DHX29: variants seen among roughly 807,000 people sequenced by gnomAD.
The protein encoded by DHX29 is DExH-box helicase 29, also known as ATP-dependent RNA helicase DHX29.
DHX29 carries 79 observed loss-of-function variants against 167.9 expected under a neutral mutation model. That is an observed-to-expected ratio of 0.47 (90% CI 0.39 to 0.57). The LOEUF (loss-of-function observed/expected upper bound fraction) is 0.57. DHX29 is among the 20% of genes least tolerant of loss of function. The pLI is 0.00. For missense variants in DHX29, 1,347 were observed against 1,593.4 expected, an observed-to-expected ratio of 0.85 and a Z score of 2.63; for synonymous variants, 530 against 546.0, an observed-to-expected ratio of 0.97 and a Z score of 0.41.
chr5:55,298,481 T>C, intron 2 of DHX29, 110 bp downstream of exon 2: 1 of 647,154 alleles, frequency 1.5e-6, no homozygotes, highest in Non-Finnish European at 2.8e-6. Context: ...GAGTACTATT[T>C]ACAAAAATTT....
rs752505834 is a variant in DHX29 at position 55,285,684 on chromosome 5, C to G, written c.1232+12G>C. The G allele has an allele frequency of 6.5e-7, 1 of 1,546,416 alleles. No homozygotes were observed. Among genetic ancestry groups the G allele is most frequent in the Admixed American group, 2.1e-5 (1 of 48,608 alleles). ...TTCAGTTAATTAAAAACAACAACAA[C>G]AAAAAACATACCTACATTTCCAGTA... On this transcript the variant is annotated intron_variant, in intron 9 of 26. Transcript: ENST00000251636.
chr5:55,297,428 A>G (rs1748381562), intron 2 of DHX29, 30 bp from the exon 3 acceptor site: 1 of 897,426 alleles, frequency 1.1e-6, no homozygotes, highest in South Asian at 1.5e-5. Flanking sequence ...CATATCATTT[A>G]GAAGCTAAAT....
intron 5 of DHX29, 144 bp downstream of exon 5, chr5:55,295,235 G>A (rs2111955908): frequency 1.5e-6 from 1 of 650,436 alleles, no homozygotes; most frequent in South Asian, 2.2e-5. Flanking sequence ...ACTAAAACAA[G>A]CAATGATAGA....
intron 6 of DHX29, among the ~76,000 whole-genome samples, chr5:55,292,646 C>T (rs140642222): frequency 7.9e-5 from 12 of 152,288 alleles, no homozygotes; most frequent in Non-Finnish European, 1.3e-4. Flanking sequence ...CTTCCAGTCT[C>T]AGGTGAACTC....
At position 55,283,472 on chromosome 5, in the gene DHX29, G is replaced by C; in HGVS notation, c.1696C>G (p.Leu566Val). 3 of 1,614,130 alleles carry C rather than the reference G, an allele frequency of 1.9e-6. No individual in the cohort carries two copies. The highest frequency in any genetic ancestry group is 2.5e-6 in the Non-Finnish European group (3 of 1,180,026). The change falls in exon 11 of 27, where the codon CTA becomes GTA. Residue 566 changes from leucine (L) to valine (V), a missense_variant. Physicochemically the swap from Leu to Val is conservative, Grantham distance 32. Around this residue, in one of 3 missense-constraint regions of DHX29, gnomAD observed 882 missense variants for 1,082.4 expected, o/e 0.81. Transcript: ENST00000251636. Reference sequence around the variant, plus strand: ...ACAGGTAGCTGTTGTCTTTCCTTTAGAAGTTTCTGATACTTAGGTGTGCTT... The same window carrying C: ...ACAGGTAGCTGTTGTCTTTCCTTTACAAGTTTCTGATACTTAGGTGTGCTT... Reference protein sequence around the residue: ...LQSTPKYQKLLKERQQLPVFK... With the variant: ...LQSTPKYQKLVKERQQLPVFK...
Position 55,277,286 on chromosome 5 carries a change from G to C in DHX29, c.2110-4C>G. On this transcript the variant is annotated splice_region_variant and splice_polypyrimidine_tract_variant and intron_variant, in intron 12 of 26. Coordinates refer to ENST00000251636, the MANE Select transcript of DHX29 (RefSeq NM_019030.4). ...ACTGGACACTTCTTTCATGAACCTA[G>C]TTTTAAAAAGGGAATAAAAAAGTTC... 1 of 1,576,724 alleles carries C rather than the reference G, an allele frequency of 6.3e-7. No homozygotes were observed. The highest frequency in any genetic ancestry group is 8.6e-7 in the Non-Finnish European group (1 of 1,159,428).
chr5:55,261,548 G>A, intron 24 of DHX29, 49 bp from the exon 25 acceptor site: 1 of 1,185,940 alleles, frequency 8.4e-7, no homozygotes, highest in Non-Finnish European at 1.2e-6. Flanking sequence ...AAAAATAGAA[G>A]GAGGTCATTT....
At position 55,283,608 on chromosome 5, in the gene DHX29, G is replaced by C; in HGVS notation, c.1560C>G (p.Pro520=). 6.2e-7 allele frequency: 1 copy of C among 1,613,986 alleles called. No individual in the cohort carries two copies. Among genetic ancestry groups the C allele is most frequent in the Middle Eastern group, 1.6e-4 (1 of 6,062 alleles). The change falls in exon 11 of 27, where the codon CCC becomes CCG. Residue 520 remains proline (P), a synonymous_variant. Coordinates refer to ENST00000251636, the MANE Select transcript of DHX29 (RefSeq NM_019030.4). ...SENKRENSED[P]EESWENLVSD... The stretch of plus-strand genomic sequence containing the variant: ...AAACTAAATTTTCCCAAGATTCCTC[G>C]GGATCTTCAGAGTTTTCTCTCTTAT...
intron 21 of DHX29, among the ~76,000 whole-genome samples, chr5:55,268,570 G>A (rs1051683133): frequency 1.3e-5 from 2 of 151,964 alleles, no homozygotes; most frequent in African/African-American, 2.4e-5. Context: ...GTCTACAGGG[G>A]TGCACCACCA....
chr5:55,285,333 A>C lies in DHX29; in HGVS notation c.1316T>G (p.Leu439Arg), dbSNP rs765784268. ...LTEDGMQAQH[L>R]GATLALYRLV... ...ACGGTAAAGGGCTAAAGTAGCTCCC[A>C]GGTGCTGAGCTTGCATGCCATCTTC... is the stretch of plus-strand genomic sequence containing the variant. The change falls in exon 10 of 27, where the codon CTG (leucine) becomes CGG (arginine). Residue 439 changes from leucine to arginine, a missense_variant. Around this residue, in one of 3 missense-constraint regions of DHX29, gnomAD observed 60 missense variants for 94.2 expected, o/e 0.64. Coordinates refer to ENST00000251636, the MANE Select transcript of DHX29 (RefSeq NM_019030.4). 1 of 1,613,898 alleles carries C rather than the reference A, an allele frequency of 6.2e-7. No homozygotes were observed. Among genetic ancestry groups the C allele is most frequent in the Non-Finnish European group, 8.5e-7 (1 of 1,180,014 alleles).
rs756543101 is a variant in DHX29, at chr5:55,262,805, G to A, written c.3653C>T (p.Ala1218Val). ...LSFQEIALLK[A>V]VLVAGLYDNV... Reference sequence around the variant, plus strand: ...GTCATACAGTCCAGCCACCAGTACAGCTTTAAGAAGGGCAATTTCTTGGAA... The same window carrying A: ...GTCATACAGTCCAGCCACCAGTACAACTTTAAGAAGGGCAATTTCTTGGAA... Residue 1218 changes from alanine to valine, a missense_variant, in exon 24 of 27, where the codon GCT becomes GTT. By Grantham distance (64) the Ala-to-Val change is moderately conservative (BLOSUM62 0). Around this residue, in one of 3 missense-constraint regions of DHX29, gnomAD observed 882 missense variants for 1,082.4 expected, o/e 0.81. Coordinates refer to ENST00000251636, the MANE Select transcript of DHX29 (RefSeq NM_019030.4). 17 of 1,613,932 alleles carry A rather than the reference G, an allele frequency of 1.1e-5. No homozygotes were observed. The highest frequency in any genetic ancestry group is 1.3e-5 in the African/African-American group (1 of 74,872).
At chr5:55,271,474 T>A (rs967893614) in intron 18 of DHX29, among the ~76,000 whole-genome samples, 4 of 152,118 alleles carry the variant, frequency 2.6e-5, no homozygotes, top group Admixed American at 6.6e-5. Context: ...CTACTAAAAA[T>A]ACAAAAACAT....
At chr5:55,285,145 G>A in intron 10 of DHX29, 148 bp downstream of exon 10, 3 of 1,205,406 alleles carry the variant, frequency 2.5e-6, no homozygotes, top group Non-Finnish European at 3.4e-6. Flanking sequence ...AGGAACGAAA[G>A]ATCAAACTAT....
At chr5:55,295,036 G>A (rs1313985730) in intron 5 of DHX29, 1 of 183,488 alleles carries the variant, frequency 5.4e-6, no homozygotes, top group East Asian at 1.4e-4. Context: ...GAAAAAACAT[G>A]TAAACAGAGG....
intron 10 of DHX29, 21 bp from the exon 11 acceptor site, chr5:55,283,832 T>G (rs766854613): frequency 6.5e-7 from 1 of 1,542,422 alleles, no homozygotes; most frequent in Admixed American, 2.1e-5. Context: ...AACAGAGGTA[T>G]GTTATTTTCA....
At chr5:55,279,215 G>C (rs1747272698) in intron 12 of DHX29, among the ~76,000 whole-genome samples, 1 of 152,208 alleles carries the variant, frequency 6.6e-6, no homozygotes, top group Non-Finnish European at 1.5e-5. Flanking sequence ...TATATGACTG[G>C]ATTCAGGGGA....
At position 55,273,313 on chromosome 5, in the gene DHX29, G is replaced by A; in HGVS notation, c.2755C>T (p.Pro919Ser). The A allele has an allele frequency of 6.3e-7, 1 of 1,598,352 alleles. No homozygotes were observed. Among genetic ancestry groups the A allele is most frequent in the Non-Finnish European group, 8.5e-7 (1 of 1,169,798 alleles). ...TTTACCTTCCTGACTCCTGGAGGGG[G>A]AAGTGTGAATGCTGCAGCTTGATCT... The part of the protein sequence containing the change: ...TQDQAAAFTL[P>S]PPGVRKIVLA... The change falls in exon 17 of 27, where the codon CCC becomes TCC. Residue 919 changes from proline (P) to serine (S), a missense_variant. Pro to Ser is a moderately conservative substitution (Grantham distance 74). Coordinates refer to ENST00000251636, the MANE Select transcript of DHX29 (RefSeq NM_019030.4).
At chr5:55,264,556 G>A (rs754235510) in intron 23 of DHX29, among the ~76,000 whole-genome samples, 11 of 152,122 alleles carry the variant, frequency 7.2e-5, no homozygotes, top group Admixed American at 3.3e-4. Flanking sequence ...GAAGTCTTCC[G>A]TACGAAAAGC....
Position 55,269,616 on chromosome 5 carries a change from C to CATGA in DHX29, c.3090_3091insTCAT (p.Glu1031SerfsTer2). The CATGA allele has an allele frequency of 6.2e-7, 1 of 1,613,640 alleles. No homozygotes were observed. The highest frequency in any genetic ancestry group is 8.5e-7 in the Non-Finnish European group (1 of 1,179,690). On this transcript the variant is annotated frameshift_variant, in exon 21 of 27. Coordinates refer to ENST00000251636, the MANE Select transcript of DHX29 (RefSeq NM_019030.4). LOFTEE classifies it high-confidence loss of function. ...TCTAAGGCTTTGGAGAGGAAATCTT[C>CATGA]AGGAGAACCAAGATTACATTTCTGC... is the stretch of plus-strand genomic sequence containing the variant.
Sources: gnomAD v4.1 joint callset for allele counts (sites outside exome capture counted in the v4.1 genomes callset) on GRCh38, gnomAD v4.1.1 for gene constraint, gnomAD v4.1.1 regional missense constraint, MANE v1.5 for transcripts, NCBI Gene and HGNC (gene_info 2026-07-23, HGNC 2026-07-21) for gene names.